PYGB: variants seen among roughly 807,000 people sequenced by gnomAD.
The protein encoded by PYGB is glycogen phosphorylase, brain form.
PYGB carries 82 observed loss-of-function variants against 94.3 expected under a neutral mutation model. That is an observed-to-expected ratio of 0.87 (90% CI 0.73 to 1.04). PYGB has a LOEUF of 1.04. Among genes scored for constraint, PYGB ranks in the 50% least tolerant of loss-of-function variants. The probability of loss-of-function intolerance (pLI) is 0.00; values close to 1 mark genes in which losing one functional copy is unlikely to be tolerated. For synonymous variants in PYGB, 488 were observed against 479.1 expected (o/e 1.02, Z -0.24); for missense variants, 1,132 against 1,158.2 (o/e 0.98, Z 0.33).
intron 3 of PYGB, among the ~76,000 whole-genome samples, chr20:25,269,471 G>A (rs1165442397): frequency 1.3e-5 from 2 of 152,228 alleles, no homozygotes; most frequent in South Asian, 4.1e-4. Context: ...AGGGGCTCCC[G>A]ATATGCTGAC....
chr20:25,280,388 T>G lies in PYGB; in HGVS notation c.1215T>G (p.Tyr405Ter), dbSNP rs2123571685. 6.2e-7 allele frequency: 1 copy of G among 1,614,148 alleles called. No individual in the cohort carries two copies. The highest frequency in any genetic ancestry group is 8.5e-7 in the Non-Finnish European group (1 of 1,180,008). The change falls in exon 10 of 20, where the codon TAT (tyrosine) becomes TAG (stop). Residue 405 changes from tyrosine (Y) to a stop codon, truncating the protein, a stop_gained. Coordinates refer to ENST00000216962, the MANE Select transcript of PYGB (RefSeq NM_002862.4). LOFTEE classifies it high-confidence loss of function. ...KLLPRHLEII[Y>*]AINQRHLDHV... Reference sequence around the variant, plus strand: ...TGCCGCGGCACCTGGAGATAATCTATGCCATCAACCAGCGGCACCTGGACG... The same window carrying G: ...TGCCGCGGCACCTGGAGATAATCTAGGCCATCAACCAGCGGCACCTGGACG...
chr20:25,248,409 G>A lies in PYGB; in HGVS notation c.231G>A (p.Glu77=), dbSNP rs1424047134. 3 of 1,545,774 alleles carry A rather than the reference G, an allele frequency of 1.9e-6. No homozygotes were observed. Among genetic ancestry groups the A allele is most frequent in the East Asian group, 5.1e-5 (2 of 38,848 alleles). The change falls in exon 1 of 20, where the codon GAG becomes GAA. Residue 77 remains glutamate (E), a synonymous_variant. Coordinates refer to ENST00000216962, the MANE Select transcript of PYGB (RefSeq NM_002862.4). The stretch of plus-strand genomic sequence containing the variant: ...TCCGCACGCAGCAGCACTACTACGA[G>A]CGCGACCCCAAGGTGAGGCGCTGCC... ...RWIRTQQHYY[E]RDPKRIYYLS...
chr20:25,292,778 G>A (rs112099389), intron 17 of PYGB, among the ~76,000 whole-genome samples, 165 bp downstream of exon 17: 1 of 152,326 alleles, frequency 6.6e-6, no homozygotes, highest in South Asian at 2.1e-4. Flanking sequence ...CCATTTCCAG[G>A]TGCATGGAAT....
At chr20:25,263,809 A>T (rs1270067352) in intron 2 of PYGB, among the ~76,000 whole-genome samples, 1 of 152,248 alleles carries the variant, frequency 6.6e-6, no homozygotes, top group Non-Finnish European at 1.5e-5. Flanking sequence ...AACCAAAAAA[A>T]GTCCAGGACC....
Position 25,296,683 on chromosome 20 carries a change from G to C in PYGB, c.*161G>C. The C allele has an allele frequency of 1.1e-6, 1 of 926,466 alleles. No individual in the cohort carries two copies. Among genetic ancestry groups the C allele is most frequent in the South Asian group, 1.7e-5 (1 of 57,148 alleles). The allele number at this position is 926,466 out of a possible 1,614,324, so 57.4% of individuals were successfully genotyped here. A position where few individuals can be genotyped will look rare whatever the true frequency, so the allele number is the denominator to read the frequency against. ...GGGTCAGGGTGGTTTTGAGAGAGCA[G>C]GGTAAGGAAGGAATGTGCTAGAAGT... On this transcript the variant is annotated 3_prime_UTR_variant, in exon 20 of 20. Coordinates refer to ENST00000216962, the MANE Select transcript of PYGB (RefSeq NM_002862.4).
In PYGB at chr20:25,248,323, C is replaced by G; in HGVS notation, c.145C>G (p.Pro49Ala). 6.2e-7 allele frequency: 1 copy of G among 1,604,272 alleles called. No individual in the cohort carries two copies. The highest frequency in any genetic ancestry group is 8.5e-7 in the Non-Finnish European group (1 of 1,176,006). The change falls in exon 1 of 20, where the codon CCC becomes GCC. Residue 49 changes from proline to alanine, a missense_variant. By Grantham distance (27) the Pro-to-Ala change is conservative (BLOSUM62 -1). Coordinates refer to ENST00000216962, the MANE Select transcript of PYGB (RefSeq NM_002862.4). ...TLVKDRNVAT[P>A]RDYFFALAHT... ...GGTCAAGGACCGCAATGTGGCCACG[C>G]CCCGCGACTACTTCTTCGCGCTGGC...
intron 16 of PYGB, among the ~76,000 whole-genome samples, chr20:25,291,126 G>A (rs148605995): frequency 4.4e-4 from 67 of 152,136 alleles, no homozygotes; most frequent in Non-Finnish European, 7.8e-4. Context: ...CCCCTCCTCC[G>A]CCCACATCCT....
chr20:25,262,193 T>C (rs1045463738), intron 2 of PYGB, among the ~76,000 whole-genome samples: 8 of 152,080 alleles, frequency 5.3e-5, no homozygotes, highest in African/African-American at 1.7e-4. Context: ...TCACCAAAGT[T>C]GAAATGAAGG....
Position 25,292,479 on chromosome 20 carries a change from G to A in PYGB, c.2043G>A (p.Lys681=), listed in dbSNP as rs935817420. The change falls in exon 17 of 20, where the codon AAG becomes AAA. Residue 681 remains lysine (K), a synonymous_variant. Transcript: ENST00000216962. ...AGGCCTCAGGCACAGGCAACATGAA[G>A]TTCATGCTCAACGGGGCCCTCACCA... ...GTEASGTGNM[K]FMLNGALTIG... 2 of 1,613,562 alleles carry A rather than the reference G, an allele frequency of 1.2e-6. No individual in the cohort carries two copies. The highest frequency in any genetic ancestry group is 1.3e-5 in the African/African-American group (1 of 74,950).
intron 4 of PYGB, among the ~76,000 whole-genome samples, chr20:25,273,797 G>A (rs2088287048): frequency 2.0e-5 from 3 of 152,154 alleles, no homozygotes; most frequent in Non-Finnish European, 4.4e-5. Flanking sequence ...TGCCAACTTG[G>A]CCCCAGCACT....
intron 1 of PYGB, among the ~76,000 whole-genome samples, chr20:25,259,004 G>T (rs960051715): frequency 6.6e-6 from 1 of 152,240 alleles, no homozygotes; most frequent in African/African-American, 2.4e-5. Flanking sequence ...TTCATCCAGG[G>T]ACTGGAGGGT....
At chr20:25,279,207 G>A (rs530024759) in intron 9 of PYGB, 58 bp downstream of exon 9, 5 of 1,549,870 alleles carry the variant, frequency 3.2e-6, no homozygotes, top group East Asian at 4.6e-5. Flanking sequence ...TGCAGACCAG[G>A]GCTACAAGGA....
At chr20:25,286,390 C>T (rs1417635089) in intron 14 of PYGB, among the ~76,000 whole-genome samples, 3 of 152,186 alleles carry the variant, frequency 2.0e-5, no homozygotes, top group Admixed American at 2.0e-4. Context: ...GCCCTCTGCT[C>T]CTCTCCTCTG....
chr20:25,291,681 C>T (rs1193585830), intron 16 of PYGB, among the ~76,000 whole-genome samples: 1 of 152,172 alleles, frequency 6.6e-6, no homozygotes, highest in African/African-American at 2.4e-5. Context: ...TGAGGCTCCC[C>T]TCCTCCTATG....
chr20:25,281,613 G>A (rs535405412), intron 11 of PYGB, among the ~76,000 whole-genome samples: 86 of 152,332 alleles, frequency 5.6e-4, no homozygotes, highest in African/African-American at 1.9e-3. Flanking sequence ...TGTGCCCGGG[G>A]CTGGGCTGCA....
At position 25,294,664 on chromosome 20, in the gene PYGB, G is replaced by C. The variant is rs183807756; in HGVS notation, c.2312+372G>C. The C allele has an allele frequency of 3.3e-5, 19 of 568,262 alleles. No homozygotes were observed. The South Asian group carries it at 3.7e-4, about 11-fold the overall frequency. The allele number at this position is 568,262 out of a possible 1,614,324, so 35.2% of individuals were successfully genotyped here. A position where few individuals can be genotyped will look rare whatever the true frequency, so the allele number is the denominator to read the frequency against. ...AACTCCCTGGGGTGGGGTAGGGGGC[G>C]CACAAGGGCTGCGGAACCGCGGCAG... On this transcript the variant is annotated intron_variant, in intron 18 of 19. Transcript: ENST00000216962.
chr20:25,269,301 G>T lies in PYGB; in HGVS notation c.424+94G>T, dbSNP rs1397966233. 1.2e-5 allele frequency: 12 copies of T among 1,040,324 alleles called. No individual in the cohort carries two copies. In the East Asian group the frequency reaches 2.5e-4, roughly 22 times the overall value. 64.4% of individuals were successfully genotyped at this position (1,040,324 alleles called of 1,614,324 possible). On this transcript the variant is annotated intron_variant, in intron 3 of 19. Coordinates refer to ENST00000216962, the MANE Select transcript of PYGB (RefSeq NM_002862.4). ...CAGGGTCAGGTAAATTGGCCTCAGG[G>T]TAAATTGGCTTTGAGTGGATGGGCC... is the stretch of plus-strand genomic sequence containing the variant.
At chr20:25,276,579 G>A (rs2254046) in intron 5 of PYGB, 67 bp from the exon 6 acceptor site, 240,588 of 1,378,546 alleles carry the variant, frequency 0.17, 22,461 homozygotes, top group East Asian at 0.34. Context: ...AGGCTGGGCC[G>A]GGGAGAGGCA....
intron 1 of PYGB, among the ~76,000 whole-genome samples, chr20:25,248,686 T>TGAGCCCAGGAGCCTGGCGGAC (rs2092878471): frequency 6.6e-6 from 1 of 152,028 alleles, no homozygotes; most frequent in African/African-American, 2.4e-5. Context: ...CAGATGATGC[T>TGAGCCCAGGAGCCTGGCGGAC]GAGCCCGGGA....
Sources: gnomAD v4.1 joint callset for allele counts (sites outside exome capture counted in the v4.1 genomes callset) on GRCh38, gnomAD v4.1.1 for gene constraint, MANE v1.5 for transcripts, NCBI Gene and HGNC (gene_info 2026-07-23, HGNC 2026-07-21) for gene names.